Variants in AGRN observed in about 807,000 individuals in gnomAD.
The protein encoded by AGRN is agrin, also known as agrin proteoglycan.
AGRN carries 106 observed loss-of-function variants against 211.0 expected under a neutral mutation model. That is an observed-to-expected ratio of 0.50 (90% CI 0.43 to 0.59). The LOEUF (loss-of-function observed/expected upper bound fraction) is 0.59, where lower values mean the gene tolerates loss of function less well. Ranked by LOEUF, AGRN falls within the 20% of genes least tolerant of loss-of-function variation. The probability of loss-of-function intolerance (pLI) is 0.00; values close to 1 mark genes in which losing one functional copy is unlikely to be tolerated. For missense variants in AGRN, 3,040 were observed against 2,982.6 expected (o/e 1.02, Z -0.45); for synonymous variants, 1,525 against 1,332.5 (o/e 1.14, Z -3.15).
chr1:1,029,863 A>ATG (rs796743102), intron 2 of AGRN, among the ~76,000 whole-genome samples: 1 of 37,430 alleles, frequency 2.7e-5, no homozygotes, highest in Non-Finnish European at 5.2e-5. Context: ...TGAGATCAGC[A>ATG]TGTGTGTGTG....
At chr1:1,035,430 G>C in intron 3 of AGRN, 106 bp downstream of exon 3, 1 of 1,444,584 alleles carries the variant, frequency 6.9e-7, no homozygotes, top group South Asian at 1.1e-5. Flanking sequence ...TCTGGAGTGA[G>C]GAGGAGGCTG....
At position 1,041,330 on chromosome 1, in the gene AGRN, G is replaced by A. The variant is rs765834882; in HGVS notation, c.885G>A (p.Glu295=). 17 of 1,528,482 alleles carry A rather than the reference G, an allele frequency of 1.1e-5. No individual in the cohort carries two copies. Among genetic ancestry groups the A allele is most frequent in the Middle Eastern group, 1.7e-4 (1 of 5,938 alleles). 94.7% of individuals were successfully genotyped at this position (1,528,482 alleles called of 1,614,324 possible). A position where few individuals can be genotyped will look rare whatever the true frequency, so the allele number is the denominator to read the frequency against. Residue 295 remains glutamate, a synonymous_variant, in exon 5 of 36, where the codon GAG becomes GAA. Coordinates refer to ENST00000379370, the MANE Select transcript of AGRN (RefSeq NM_198576.4). ...CGSDGADYPG[E]CQLLRRACAR... ...GCGACGGCGCCGACTACCCCGGCGA[G>A]TGCCAGCTCCTGCGCCGCGCCTGCG...
At chr1:1,047,028 G>A (rs1645117086) in intron 19 of AGRN, 71 bp downstream of exon 19, 1 of 1,545,196 alleles carries the variant, frequency 6.5e-7, no homozygotes, top group Non-Finnish European at 8.7e-7. Context: ...CCCCTCGCCT[G>A]GGCAGCAGGT....
chr1:1,045,901 G>A (rs1353609547), intron 15 of AGRN, 25 bp downstream of exon 15: 4 of 1,610,300 alleles, frequency 2.5e-6, no homozygotes, highest in Admixed American at 1.7e-5. Context: ...GCGCTACCCT[G>A]GGGCTTCATG....
Position 1,046,543 on chromosome 1 carries a change from C to A in AGRN, c.3058C>A (p.Pro1020Thr). 6.2e-7 allele frequency: 1 copy of A among 1,610,762 alleles called. No homozygotes were observed. Among genetic ancestry groups the A allele is most frequent in the South Asian group, 1.1e-5 (1 of 91,024 alleles). The change falls in exon 18 of 36, where the codon CCC becomes ACC. Residue 1020 changes from proline (P) to threonine (T), a missense_variant. By Grantham distance (38) the Pro-to-Thr change is conservative. Coordinates refer to ENST00000379370, the MANE Select transcript of AGRN (RefSeq NM_198576.4). ...STAHSQTTPP[P>T]SSRPRTTASV... ...CGCACACAGCCAGACCACCCCTCCG[C>A]CCTCATCACGACCTCGGACCACTGC...
At chr1:1,052,988 T>C in intron 33 of AGRN, 1 of 173,852 alleles carries the variant, frequency 5.8e-6, no homozygotes, top group South Asian at 1.4e-4. Flanking sequence ...AGCACTCAGG[T>C]GTGTCTGTGT....
Position 1,040,888 on chromosome 1 carries a change from G to A in AGRN, c.727+8G>A. 6.8e-7 allele frequency: 1 copy of A among 1,472,732 alleles called. No individual in the cohort carries two copies. The highest frequency in any genetic ancestry group is 8.9e-7 in the Non-Finnish European group (1 of 1,123,058). The allele number at this position is 1,472,732 out of a possible 1,614,324, so 91.2% of individuals were successfully genotyped here. ...TCAGCCGCGGGCCGTGCGGTGAGCG[G>A]GGCGGGGCCGGTGCCTGGGGCGGGG... On this transcript the variant is annotated splice_region_variant and intron_variant, in intron 4 of 35. Transcript: ENST00000379370.
intron 2 of AGRN, chr1:1,034,314 G>A (rs1557693183): frequency 1.0e-6 from 1 of 985,374 alleles, no homozygotes; most frequent in Non-Finnish European, 1.2e-6. Context: ...CGCCTACCTC[G>A]GAGCCCACAT....
intron 12 of AGRN, 124 bp from the exon 13 acceptor site, chr1:1,045,037 C>G (rs1557707552): frequency 3.7e-6 from 4 of 1,073,346 alleles, no homozygotes; most frequent in Admixed American, 1.8e-5. Context: ...CTCCCGGGCT[C>G]CTCTGGGAGC....
chr1:1,029,322 G>A (rs1004332059), intron 2 of AGRN, among the ~76,000 whole-genome samples: 1 of 143,246 alleles, frequency 7.0e-6, no homozygotes, highest in Non-Finnish European at 1.6e-5. Context: ...TGGGGGTTGA[G>A]GGACAAAATT....
At position 1,055,032 on chromosome 1, in the gene AGRN, C is replaced by T. The variant is rs1160664877; in HGVS notation, c.*51C>T. ...TGTAATTATTTTCTATTTTTGTAAA[C>T]TTGTTGCTTTTTGATATGATTTTCT... On this transcript the variant is annotated 3_prime_UTR_variant, in exon 36 of 36. Coordinates refer to ENST00000379370, the MANE Select transcript of AGRN (RefSeq NM_198576.4). 1.3e-6 allele frequency: 2 copies of T among 1,541,442 alleles called. No individual in the cohort carries two copies. Among genetic ancestry groups the T allele is most frequent in the Non-Finnish European group, 8.7e-7 (1 of 1,146,186 alleles).
chr1:1,048,955 G>T lies in AGRN; in HGVS notation c.4194G>T (p.Leu1398=). The change falls in exon 24 of 36, where the codon CTG becomes CTT. Residue 1398 remains leucine, a synonymous_variant. Transcript: ENST00000379370. The surrounding 1 kb of genome is among the most constrained non-coding windows in gnomAD (Gnocchi z 5.9). ...CCTACCACACGCTGCGCCTGGCACT[G>T]GAATTCCGGGCGCTGGAGCCTCAGG... ...LRAYHTLRLA[L]EFRALEPQGL... 1 of 1,570,222 alleles carries T rather than the reference G, an allele frequency of 6.4e-7. No homozygotes were observed. Among genetic ancestry groups the T allele is most frequent in the East Asian group, 2.3e-5 (1 of 42,670 alleles).
intron 30 of AGRN, 102 bp downstream of exon 30, chr1:1,050,939 C>T: frequency 3.2e-6 from 5 of 1,544,194 alleles, no homozygotes; most frequent in Non-Finnish European, 4.4e-6. Context: ...TTTTTCTGTC[C>T]TGTTCTCTTG....
Position 1,049,952 on chromosome 1 carries a change from T to C in AGRN, c.4794T>C (p.His1598=). 6.2e-7 allele frequency: 1 copy of C among 1,611,078 alleles called. No homozygotes were observed. The highest frequency in any genetic ancestry group is 8.5e-7 in the Non-Finnish European group (1 of 1,179,444). The change falls in exon 27 of 36, where the codon CAT becomes CAC. Residue 1598 remains histidine (H), a synonymous_variant. Coordinates refer to ENST00000379370, the MANE Select transcript of AGRN (RefSeq NM_198576.4). ...GCCCCTGCCAGCCCAACCCCTGCCA[T>C]GGGGCGGCGCCCTGCCGTGTGCTGC... ...EKSPCQPNPC[H]GAAPCRVLPE...
intron 2 of AGRN, among the ~76,000 whole-genome samples, chr1:1,025,192 G>A (rs1326714835): frequency 6.6e-6 from 1 of 152,068 alleles, no homozygotes; most frequent in Non-Finnish European, 1.5e-5. Context: ...ACAGGGACAG[G>A]GCAGGGGGCC....
At chr1:1,020,647 C>T (rs1229330727) in intron 1 of AGRN, among the ~76,000 whole-genome samples, 1 of 152,118 alleles carries the variant, frequency 6.6e-6, no homozygotes, top group South Asian at 2.1e-4. Flanking sequence ...GCCGCGCGCC[C>T]TCCCTACCGG....
intron 2 of AGRN, among the ~76,000 whole-genome samples, chr1:1,033,948 C>T (rs1644736943): frequency 2.0e-5 from 3 of 151,764 alleles, no homozygotes; most frequent in Non-Finnish European, 2.9e-5. Context: ...AGGCGGCTTC[C>T]TTTGTCTCTG....
At chr1:1,040,904 T>TGGGGCGGGGA (rs1206747813) in intron 4 of AGRN, 24 bp downstream of exon 4, 1 of 1,340,566 alleles carries the variant, frequency 7.5e-7, no homozygotes, top group African/African-American at 1.9e-5. Flanking sequence ...GGCCGGTGCC[T>TGGGGCGGGGA]GGGGCGGGGA....
At chr1:1,049,523 C>T (rs762387070) in intron 25 of AGRN, 43 bp from the exon 26 acceptor site, 4 of 1,592,284 alleles carry the variant, frequency 2.5e-6, no homozygotes, top group East Asian at 2.3e-5. Flanking sequence ...GTGGCTTTGC[C>T]TGTGGCCCCT....
Sources: allele counts gnomAD v4.1 joint callset (sites outside exome capture counted in the v4.1 genomes callset), GRCh38; gene constraint gnomAD v4.1.1; non-coding constraint Gnocchi (gnomAD v3.1); transcripts MANE v1.5; gene names NCBI Gene and HGNC (gene_info 2026-07-23, HGNC 2026-07-21).